The following SLC35F1 variants were observed in gnomAD, a reference collection of about 807,000 sequenced individuals.
SLC35F1 encodes the protein chromosome 6 open reading frame 169.
In SLC35F1, 14 loss-of-function variants were observed where a neutral mutation model predicts 48.7. That is an observed-to-expected ratio of 0.29 (90% CI 0.19 to 0.45). The LOEUF (loss-of-function observed/expected upper bound fraction) is 0.45, where lower values mean the gene tolerates loss of function less well. SLC35F1 is among the 20% of genes least tolerant of loss of function. The pLI, the probability that SLC35F1 is intolerant of heterozygous loss-of-function variation, is 1.00. For missense variants in SLC35F1, 404 were observed against 500.0 expected (o/e 0.81, Z 1.83); for synonymous variants, 190 against 202.2 (o/e 0.94, Z 0.51).
At chr6:118,179,077 G>A (rs1055171238) in intron 2 of SLC35F1, among the ~76,000 whole-genome samples, 7 of 152,090 alleles carry the variant, frequency 4.6e-5, no homozygotes, top group Non-Finnish European at 8.8e-5. Context: ...CTGAGCAGAA[G>A]CAACTGGAGC....
In SLC35F1 at chr6:118,012,239, T is replaced by C. The variant is rs576436488; in HGVS notation, c.173+104340T>C. Among the ~76,000 whole-genome samples, 7 of 152,012 alleles carry C rather than the reference T, an allele frequency of 4.6e-5. No individual in the cohort carries two copies. The South Asian group carries it at 1.5e-3, about 32-fold the overall frequency. ...TACATTTGTGATACTTTTTACCTTG[T>C]AGTAAACTTAGCAACTGTCATTTTA... On this transcript the variant is annotated intron_variant, in intron 1 of 7. Transcript: ENST00000360388.
intron 1 of SLC35F1, among the ~76,000 whole-genome samples, chr6:118,097,045 C>T (rs1423084494): frequency 2.0e-5 from 3 of 152,104 alleles, no homozygotes; most frequent in African/African-American, 4.8e-5. Flanking sequence ...TCTCTTCTTC[C>T]TCTTTTATTT....
At chr6:118,062,332 T>G (rs1021886085) in intron 1 of SLC35F1, among the ~76,000 whole-genome samples, 1 of 152,220 alleles carries the variant, frequency 6.6e-6, no homozygotes, top group African/African-American at 2.4e-5. Flanking sequence ...GCCTTGTATT[T>G]GCATCTATTT....
chr6:118,190,136 A>C (rs1253902354), intron 2 of SLC35F1, among the ~76,000 whole-genome samples: 2 of 152,162 alleles, frequency 1.3e-5, no homozygotes, highest in Non-Finnish European at 2.9e-5. Flanking sequence ...ACTGACCAAA[A>C]TGTTAGTCAT....
At chr6:118,272,085 T>A (rs1458152898) in intron 4 of SLC35F1, among the ~76,000 whole-genome samples, 6 of 152,180 alleles carry the variant, frequency 3.9e-5, no homozygotes, top group African/African-American at 1.2e-4. Flanking sequence ...TATTAAGACT[T>A]GTTCAGTCAG....
chr6:118,092,099 C>G (rs1015630343), intron 1 of SLC35F1, among the ~76,000 whole-genome samples: 1 of 152,210 alleles, frequency 6.6e-6, no homozygotes, highest in Non-Finnish European at 1.5e-5. Context: ...GAAATTCAAG[C>G]TGGCTGCAGA....
intron 1 of SLC35F1, among the ~76,000 whole-genome samples, chr6:117,946,450 T>C (rs1776296213): frequency 6.6e-6 from 1 of 152,140 alleles, no homozygotes; most frequent in Non-Finnish European, 1.5e-5. Flanking sequence ...CTCACAGAGG[T>C]CCTAAGGGCT....
chr6:118,259,410 T>C (rs1397218999), intron 3 of SLC35F1, among the ~76,000 whole-genome samples: 2 of 151,948 alleles, frequency 1.3e-5, no homozygotes, highest in Non-Finnish European at 2.9e-5. Context: ...TATTCAGAGA[T>C]ATAGGCAGAA....
rs139033224 is a variant in SLC35F1 at position 118,290,951 on chromosome 6, T to C, written c.1002+5613T>C. 9.9e-3 allele frequency among the ~76,000 whole-genome samples: 1,503 copies of C among 152,112 alleles called. 26 individuals are homozygous for C. Among genetic ancestry groups the C allele is most frequent in the African/African-American group, 0.034 (1,422 of 41,490 alleles). ...CTGGGACTACAGGCACTCGCCACCA[T>C]GCCCGGCTAATTTTTGTATTTTTAG... is the stretch of plus-strand genomic sequence containing the variant. On this transcript the variant is annotated intron_variant, in intron 7 of 7. Coordinates refer to ENST00000360388, the MANE Select transcript of SLC35F1 (RefSeq NM_001029858.4).
At chr6:118,119,494 G>GCCCCCCCCC (rs369126799) in intron 1 of SLC35F1, among the ~76,000 whole-genome samples, 47 of 52,186 alleles carry the variant, frequency 9.0e-4, no homozygotes, top group Non-Finnish European at 1.2e-3. Flanking sequence ...AATAACCGGC[G>GCCCCCCCCC]CCCCCCCTCC....
At position 117,923,763 on chromosome 6, in the gene SLC35F1, G is replaced by GTACATGTATA. The variant is rs1775969946; in HGVS notation, c.173+15864_173+15865insTACATGTATA. Among the ~76,000 whole-genome samples, 3 of 18,078 alleles carry GTACATGTATA rather than the reference G, an allele frequency of 1.7e-4. 1 individual carries two copies. Among genetic ancestry groups the GTACATGTATA allele is most frequent in the Non-Finnish European group, 9.5e-5 (1 of 10,546 alleles). The allele number at this position is 18,078 out of a possible 152,430, so 11.9% of individuals were successfully genotyped here. On this transcript the variant is annotated intron_variant, in intron 1 of 7. Transcript: ENST00000360388. ...TACATATATGTACATATATACATAT[G>GTACATGTATA]CACATACATATGTATATATACATAT...
At chr6:117,918,143 A>G (rs1198606398) in intron 1 of SLC35F1, among the ~76,000 whole-genome samples, 1 of 151,922 alleles carries the variant, frequency 6.6e-6, no homozygotes, top group African/African-American at 2.4e-5. Context: ...TTTGGGAGGG[A>G]ATGTGAGGTG....
intron 7 of SLC35F1, among the ~76,000 whole-genome samples, chr6:118,306,010 G>C (rs902356582): frequency 1.2e-4 from 18 of 152,150 alleles, no homozygotes; most frequent in Non-Finnish European, 2.6e-4. Context: ...ATAATCCTAA[G>C]AGATGCCCTA....
chr6:118,293,848 G>A (rs1227927181), intron 7 of SLC35F1, among the ~76,000 whole-genome samples: 2 of 152,200 alleles, frequency 1.3e-5, no homozygotes, highest in Non-Finnish European at 2.9e-5. Context: ...ATAAATTGGA[G>A]TGGGAAAACT....
At chr6:118,157,846 C>G (rs1294011019) in intron 2 of SLC35F1, among the ~76,000 whole-genome samples, 2 of 152,296 alleles carry the variant, frequency 1.3e-5, no homozygotes, top group African/African-American at 4.8e-5. Flanking sequence ...TGTTAACCTC[C>G]TTTGGCAACA....
chr6:118,159,247 A>AAAAT (rs1774191640), intron 2 of SLC35F1, among the ~76,000 whole-genome samples: 3 of 146,628 alleles, frequency 2.0e-5, no homozygotes, highest in African/African-American at 2.5e-5. Context: ...AAAAAAAAAA[A>AAAAT]GTGCTTACTG....
chr6:118,127,913 G>T (rs1320152622), intron 1 of SLC35F1, among the ~76,000 whole-genome samples: 1 of 151,928 alleles, frequency 6.6e-6, no homozygotes, highest in African/African-American at 2.4e-5. Flanking sequence ...CCTACTCATC[G>T]GACAAAGGGC....
intron 7 of SLC35F1, among the ~76,000 whole-genome samples, chr6:118,306,669 A>G (rs370185228): frequency 3.2e-4 from 48 of 152,206 alleles, no homozygotes; most frequent in African/African-American, 1.1e-3. Flanking sequence ...AACTGAGCCT[A>G]TAATTAAACA....
chr6:117,994,994 C>T (rs959888855), intron 1 of SLC35F1, among the ~76,000 whole-genome samples: 1 of 152,160 alleles, frequency 6.6e-6, no homozygotes, highest in Non-Finnish European at 1.5e-5. Flanking sequence ...ATCAGCACTC[C>T]TTGAATTACA....
Sources: gnomAD v4.1 joint callset for allele counts (sites outside exome capture counted in the v4.1 genomes callset) on GRCh38, gnomAD v4.1.1 for gene constraint, MANE v1.5 for transcripts, NCBI Gene and HGNC (gene_info 2026-07-23, HGNC 2026-07-21) for gene names.